The following AKAIN1 variants were observed in gnomAD, a reference collection of about 807,000 sequenced individuals.
AKAIN1 encodes the protein A-kinase anchor inhibitor 1.
In AKAIN1, 3 loss-of-function variants were observed where a neutral mutation model predicts 3.7. The observed-to-expected ratio is 0.82, with a 90% CI of 0.37 to 2.12. The LOEUF (loss-of-function observed/expected upper bound fraction) is 2.12, where lower values mean the gene tolerates loss of function less well. Ranked by LOEUF, AKAIN1 falls within the 30% of genes most tolerant of loss-of-function variation. The pLI is 0.06. For synonymous variants in AKAIN1, 31 were observed against 30.8 expected (o/e 1.01, Z -0.02); for missense variants, 82 against 82.7 (o/e 0.99, Z 0.03).
intron 1 of AKAIN1, among the ~76,000 whole-genome samples, chr18:5,158,945 A>C (rs189823690): frequency 1.3e-5 from 2 of 152,336 alleles, no homozygotes; most frequent in East Asian, 3.9e-4. Context: ...TGAGAATACG[A>C]GTCAACACTG....
intron 1 of AKAIN1, among the ~76,000 whole-genome samples, chr18:5,182,739 G>T (rs113534524): frequency 4.1e-4 from 63 of 152,158 alleles, no homozygotes; most frequent in Admixed American, 7.9e-4. Context: ...ACAAAGCACG[G>T]TGTGAATTTA....
chr18:5,175,651 G>A lies in AKAIN1; in HGVS notation c.16+21387C>T, dbSNP rs528245371. On this transcript the variant is annotated intron_variant, in intron 1 of 1. Coordinates refer to ENST00000434239, the MANE Select transcript of AKAIN1 (RefSeq NM_001145194.2). ...AAACGGTTCAGTAAGTTTATGCAGC[G>A]TTTCCACTGTTCTGGTAAGAAATAC... Among the ~76,000 whole-genome samples the A allele has an allele frequency of 2.4e-3, 362 of 152,204 alleles. 2 individuals are homozygous for A. The highest frequency in any genetic ancestry group is 3.3e-3 in the Non-Finnish European group (223 of 67,998).
chr18:5,156,697 T>C (rs1018527237), intron 1 of AKAIN1, among the ~76,000 whole-genome samples: 5 of 152,226 alleles, frequency 3.3e-5, no homozygotes, highest in African/African-American at 1.2e-4. Flanking sequence ...GCAGGAGTTA[T>C]GTGAGACAGT....
chr18:5,170,470 G>A (rs191620576), intron 1 of AKAIN1, among the ~76,000 whole-genome samples: 92 of 152,166 alleles, frequency 6.0e-4, no homozygotes, highest in African/African-American at 2.0e-3. Context: ...TTTAAATAAC[G>A]GGGCATCCCT....
At chr18:5,146,500 A>G (rs994321296) in intron 1 of AKAIN1, among the ~76,000 whole-genome samples, 5 of 152,218 alleles carry the variant, frequency 3.3e-5, no homozygotes, top group African/African-American at 1.2e-4. Context: ...TGCCTAGTGT[A>G]TATAACCTCG....
intron 1 of AKAIN1, among the ~76,000 whole-genome samples, chr18:5,185,572 T>C (rs1246708295): frequency 6.6e-6 from 1 of 152,088 alleles, no homozygotes; most frequent in Admixed American, 6.6e-5. Context: ...AAGACATACA[T>C]GTAGCCAATA....
chr18:5,196,921 G>A (rs2071351154), intron 1 of AKAIN1, 117 bp downstream of exon 1: 5 of 958,674 alleles, frequency 5.2e-6, no homozygotes, highest in Non-Finnish European at 8.1e-6. Context: ...AGCACAGACA[G>A]TAACTCCGAA....
At chr18:5,193,760 C>G (rs1464310660) in intron 1 of AKAIN1, among the ~76,000 whole-genome samples, 1 of 152,142 alleles carries the variant, frequency 6.6e-6, no homozygotes, top group Non-Finnish European at 1.5e-5. Context: ...CCCCACAAAA[C>G]CAAGAGCACT....
At chr18:5,186,343 A>G (rs2071287311) in intron 1 of AKAIN1, among the ~76,000 whole-genome samples, 1 of 152,138 alleles carries the variant, frequency 6.6e-6, no homozygotes, top group Non-Finnish European at 1.5e-5. Context: ...CCTGTGTAAC[A>G]AACTTGAACA....
At chr18:5,158,675 C>A (rs557345359) in intron 1 of AKAIN1, among the ~76,000 whole-genome samples, 6 of 152,284 alleles carry the variant, frequency 3.9e-5, no homozygotes, top group Non-Finnish European at 7.4e-5. Context: ...GTTGGTCAAC[C>A]ATTTGCCATG....
chr18:5,188,227 C>A (rs955243107), intron 1 of AKAIN1, among the ~76,000 whole-genome samples: 2 of 152,006 alleles, frequency 1.3e-5, no homozygotes, highest in Non-Finnish European at 2.9e-5. Flanking sequence ...GGGTTGAAGT[C>A]TTTTGCCTGA....
chr18:5,191,694 A>C (rs773600638), intron 1 of AKAIN1, among the ~76,000 whole-genome samples: 10 of 152,128 alleles, frequency 6.6e-5, no homozygotes, highest in Non-Finnish European at 1.5e-4. Flanking sequence ...ATGTTGAAAA[A>C]AAAAAGTTGG....
intron 1 of AKAIN1, among the ~76,000 whole-genome samples, chr18:5,169,758 A>T (rs2071187274): frequency 6.6e-6 from 1 of 152,192 alleles, no homozygotes; most frequent in Non-Finnish European, 1.5e-5. Flanking sequence ...CAAGAAAAAC[A>T]TTTTGTCCCA....
At chr18:5,189,066 C>T (rs2071303784) in intron 1 of AKAIN1, among the ~76,000 whole-genome samples, 1 of 152,216 alleles carries the variant, frequency 6.6e-6, no homozygotes, top group Non-Finnish European at 1.5e-5. Flanking sequence ...GGTAGAGCTA[C>T]ACCTGAGCCC....
At chr18:5,172,379 C>T (rs2071202585) in intron 1 of AKAIN1, among the ~76,000 whole-genome samples, 1 of 151,976 alleles carries the variant, frequency 6.6e-6, no homozygotes, top group Admixed American at 6.6e-5. Context: ...GATTATTACC[C>T]ATTGTGTGCT....
At chr18:5,178,646 TAAAG>T (rs1485146091) in intron 1 of AKAIN1, among the ~76,000 whole-genome samples, 1 of 152,196 alleles carries the variant, frequency 6.6e-6, no homozygotes, top group Non-Finnish European at 1.5e-5. Flanking sequence ...AGATGGAGAA[TAAAG>T]AATCAGGCAA....
chr18:5,155,726 A>G (rs1396664894), intron 1 of AKAIN1, among the ~76,000 whole-genome samples: 2 of 152,196 alleles, frequency 1.3e-5, no homozygotes, highest in African/African-American at 4.8e-5. Flanking sequence ...GGGCAGCAAA[A>G]GTAGACACTG....
chr18:5,186,509 A>G (rs72870842), intron 1 of AKAIN1, among the ~76,000 whole-genome samples: 1 of 152,108 alleles, frequency 6.6e-6, no homozygotes, highest in African/African-American at 2.4e-5. Flanking sequence ...TCAAGTGTAC[A>G]TGCATCTAAT....
At chr18:5,186,826 A>G (rs910628563) in intron 1 of AKAIN1, among the ~76,000 whole-genome samples, 6 of 152,214 alleles carry the variant, frequency 3.9e-5, no homozygotes, top group Non-Finnish European at 5.9e-5. Flanking sequence ...AACAACTGAA[A>G]CAATTGCAAG....
Sources: allele counts gnomAD v4.1 joint callset (sites outside exome capture counted in the v4.1 genomes callset), GRCh38; gene constraint gnomAD v4.1.1; transcripts MANE v1.5; gene names NCBI Gene and HGNC (gene_info 2026-07-23, HGNC 2026-07-21).